The following STRBP variants were observed in gnomAD, a reference collection of about 807,000 sequenced individuals.
STRBP encodes the protein spermatid perinuclear RNA-binding protein.
In STRBP, 13 loss-of-function variants were observed where a neutral mutation model predicts 80.1. The observed-to-expected ratio is 0.16, with a 90% CI of 0.11 to 0.26. The LOEUF (loss-of-function observed/expected upper bound fraction) is 0.26. Among genes scored for constraint, STRBP ranks in the 10% least tolerant of loss-of-function variants. STRBP has a pLI of 1.00. For missense variants in STRBP, 485 were observed against 815.2 expected, an observed-to-expected ratio of 0.59 and a Z score of 4.93; for synonymous variants, 284 against 291.2, an observed-to-expected ratio of 0.98 and a Z score of 0.25.
chr9:123,176,878 T>C (rs2038242606), intron 4 of STRBP, among the ~76,000 whole-genome samples: 1 of 152,230 alleles, frequency 6.6e-6, no homozygotes, highest in Non-Finnish European at 1.5e-5. Context: ...TTCCTAATAA[T>C]ACATATTGTA....
chr9:123,179,995 A>T (rs1023903185), intron 3 of STRBP, among the ~76,000 whole-genome samples: 7 of 151,954 alleles, frequency 4.6e-5, no homozygotes, highest in Admixed American at 3.9e-4. Context: ...GCTCATGCCT[A>T]TAATTCCCAG....
rs764288947 is a variant in STRBP at position 123,267,927 on chromosome 9, GC to G, written c.-302+508del. Reference sequence around the variant, plus strand: ...ATCTCGCACTCGCCTGGCCCAGGGGGCCCCCCAAACCTGCCTGAAGGCTCTC... The same window carrying G: ...ATCTCGCACTCGCCTGGCCCAGGGGGCCCCCAAACCTGCCTGAAGGCTCTC... On this transcript the variant is annotated intron_variant, in intron 1 of 18. Coordinates refer to ENST00000348403, the MANE Select transcript of STRBP (RefSeq NM_018387.5). Among the ~76,000 whole-genome samples the G allele has an allele frequency of 6.4e-4, 96 of 150,064 alleles. No individual in the cohort carries two copies. The Middle Eastern group carries it at 0.01, about 16-fold the overall frequency.
rs5900563 is a variant in STRBP at position 123,123,532 on chromosome 9, TAAA to T, written c.*2062_*2064del. The T allele has an allele frequency of 1.2e-4, 108 of 909,312 alleles. No individual in the cohort carries two copies. The highest frequency in any genetic ancestry group is 2.4e-4 in the East Asian group (2 of 8,260). The allele number at this position is 909,312 out of a possible 1,614,324, so 56.3% of individuals were successfully genotyped here. A position where few individuals can be genotyped will look rare whatever the true frequency, so the allele number is the denominator to read the frequency against. ...AGTAACTTCCAACAAACAACAAAAT[TAAA>T]AAAAAAAAAAAAAGACTTGGTAGAA... is the stretch of plus-strand genomic sequence containing the variant. On this transcript the variant is annotated 3_prime_UTR_variant, in exon 19 of 19. Coordinates refer to ENST00000348403, the MANE Select transcript of STRBP (RefSeq NM_018387.5).
chr9:123,252,336 C>T (rs1201905842), intron 1 of STRBP, among the ~76,000 whole-genome samples: 3 of 152,154 alleles, frequency 2.0e-5, no homozygotes, highest in African/African-American at 4.8e-5. Flanking sequence ...TCACCTCTAA[C>T]GCTACAGAGC....
intron 5 of STRBP, among the ~76,000 whole-genome samples, chr9:123,173,308 T>G (rs1427479867): frequency 6.6e-6 from 1 of 152,226 alleles, no homozygotes; most frequent in Non-Finnish European, 1.5e-5. Context: ...GAAAGTCTCT[T>G]AGTCGCTAGA....
intron 1 of STRBP, among the ~76,000 whole-genome samples, chr9:123,238,806 A>C (rs955396740): frequency 1.3e-5 from 2 of 152,212 alleles, no homozygotes; most frequent in Non-Finnish European, 2.9e-5. Context: ...GAGAAAAGCT[A>C]TAACAGAATT....
intron 5 of STRBP, among the ~76,000 whole-genome samples, chr9:123,173,317 G>T (rs182721704): frequency 7.9e-5 from 12 of 152,312 alleles, no homozygotes; most frequent in Admixed American, 7.8e-4. Flanking sequence ...TTAGTCGCTA[G>T]AAAGTATCTA....
intron 18 of STRBP, among the ~76,000 whole-genome samples, chr9:123,127,805 TCTTGA>T (rs1288767152): frequency 2.0e-5 from 3 of 152,208 alleles, no homozygotes; most frequent in African/African-American, 7.2e-5. Flanking sequence ...CAGTTCCTAT[TCTTGA>T]CTTAAGTTAC....
chr9:123,204,199 T>C (rs1825954654), intron 2 of STRBP, among the ~76,000 whole-genome samples: 1 of 152,220 alleles, frequency 6.6e-6, no homozygotes, highest in African/African-American at 2.4e-5. Context: ...AATGCTCACA[T>C]GATCCTGAAA....
chr9:123,205,293 T>C (rs1476030736), intron 2 of STRBP, among the ~76,000 whole-genome samples: 3 of 152,112 alleles, frequency 2.0e-5, no homozygotes. Flanking sequence ...AAATATTCTC[T>C]GTCCTCCTCT....
chr9:123,181,276 T>C lies in STRBP; in HGVS notation c.4-2049A>G, dbSNP rs116167133. ...TATTCATCTATCCCAAAGTAAGTAC[T>C]AGAGAACAAAAGAGCCATAGAGTTG... On this transcript the variant is annotated intron_variant, in intron 3 of 18. Transcript: ENST00000348403. Among the ~76,000 whole-genome samples the C allele has an allele frequency of 2.8e-3, 427 of 152,270 alleles. 1 individual carries two copies. The highest frequency in any genetic ancestry group is 9.6e-3 in the African/African-American group (398 of 41,554).
At chr9:123,119,183 TTCC>T (rs1472970240), downstream of STRBP, among the ~76,000 whole-genome samples, 1 of 151,856 alleles carries the variant, frequency 6.6e-6, no homozygotes, top group Non-Finnish European at 1.5e-5. Context: ...ACCAATCAGT[TTCC>T]TCCTTTCCTT....
intron 17 of STRBP, among the ~76,000 whole-genome samples, chr9:123,131,401 A>G (rs1180386314): frequency 6.6e-6 from 1 of 152,142 alleles, no homozygotes; most frequent in South Asian, 2.1e-4. Context: ...CACTTCTGCC[A>G]CTCAGTGCTC....
chr9:123,208,092 G>C (rs2039584186), intron 2 of STRBP, among the ~76,000 whole-genome samples: 1 of 150,822 alleles, frequency 6.6e-6, no homozygotes, highest in South Asian at 2.1e-4. Context: ...GTACAAGAAA[G>C]TTCTCCATCA....
chr9:123,113,212 A>T (rs933201935), intron 3 of STRBP: 1 of 167,200 alleles, frequency 6.0e-6, no homozygotes, highest in Non-Finnish European at 1.5e-5. Context: ...TCTAATAAGC[A>T]TTTGTGATCA....
intron 1 of STRBP, among the ~76,000 whole-genome samples, chr9:123,260,285 C>A (rs1224732625): frequency 6.6e-6 from 1 of 152,002 alleles, no homozygotes; most frequent in South Asian, 2.1e-4. Context: ...GGCTAGTGGG[C>A]AATAATTCCA....
chr9:123,225,048 A>G (rs2040191846), intron 2 of STRBP, among the ~76,000 whole-genome samples: 1 of 152,248 alleles, frequency 6.6e-6, no homozygotes, highest in South Asian at 2.1e-4. Flanking sequence ...ACAAATATTG[A>G]AAGAAATGCT....
chr9:123,233,501 AAAGT>A (rs1474373594), intron 2 of STRBP, among the ~76,000 whole-genome samples: 4 of 152,246 alleles, frequency 2.6e-5, no homozygotes, highest in African/African-American at 9.7e-5. Flanking sequence ...AATGAAGCAA[AAAGT>A]AAGATGTAAT....
intron 2 of STRBP, among the ~76,000 whole-genome samples, chr9:123,203,074 C>T (rs1443893265): frequency 6.6e-6 from 1 of 152,092 alleles, no homozygotes; most frequent in Non-Finnish European, 1.5e-5. Context: ...ACATTAGCAT[C>T]CAGGCATGGT....
Sources: gnomAD v4.1 joint callset for allele counts (sites outside exome capture counted in the v4.1 genomes callset) on GRCh38, gnomAD v4.1.1 for gene constraint, MANE v1.5 for transcripts, NCBI Gene and HGNC (gene_info 2026-07-23, HGNC 2026-07-21) for gene names.